Variants in QTMAN observed in about 807,000 individuals in gnomAD.
QTMAN encodes the protein tRNA-queuosine alpha-mannosyltransferase.
chr2:144,136,224 G>A, the QTMAN span, among the ~76,000 whole-genome samples: 5 of 151,730 alleles, frequency 3.3e-5, no homozygotes, highest in African/African-American at 9.7e-5. Context: ...CTATCAGTAG[G>A]GTAAGATGGG....
the QTMAN span, among the ~76,000 whole-genome samples, chr2:144,307,636 T>C: frequency 6.6e-6 from 1 of 152,220 alleles, no homozygotes; most frequent in South Asian, 2.1e-4. Context: ...GCATTAATGA[T>C]TACATTATCA....
At chr2:144,204,484 C>T in the QTMAN span, among the ~76,000 whole-genome samples, 7 of 152,140 alleles carry the variant, frequency 4.6e-5, no homozygotes, top group Non-Finnish European at 1.0e-4. Flanking sequence ...ATTAAAAAGT[C>T]AGAAAACAAC....
the QTMAN span, among the ~76,000 whole-genome samples, chr2:143,950,210 G>A: frequency 6.6e-6 from 1 of 151,628 alleles, no homozygotes; most frequent in Non-Finnish European, 1.5e-5. Context: ...ATATATTTAA[G>A]TACTAACATG....
chr2:144,097,746 C>T, the QTMAN span, among the ~76,000 whole-genome samples: 1 of 152,174 alleles, frequency 6.6e-6, no homozygotes, highest in African/African-American at 2.4e-5. Context: ...TTTGACATAT[C>T]TGGCTTCCTC....
At chr2:144,246,429 C>T in the QTMAN span, among the ~76,000 whole-genome samples, 1 of 150,478 alleles carries the variant, frequency 6.6e-6, no homozygotes, top group Non-Finnish European at 1.5e-5. Flanking sequence ...AAAAATTAGC[C>T]GGGCGCGGTG....
At chr2:144,332,252 G>T in the QTMAN span, among the ~76,000 whole-genome samples, 1 of 151,448 alleles carries the variant, frequency 6.6e-6, no homozygotes, top group African/African-American at 2.4e-5. Flanking sequence ...GGAAGCGCGC[G>T]GCTCTCAGCT....
At chr2:144,117,930 C>T in the QTMAN span, among the ~76,000 whole-genome samples, 1 of 151,918 alleles carries the variant, frequency 6.6e-6, no homozygotes, top group East Asian at 1.9e-4. Flanking sequence ...GCTATAAGCT[C>T]CACCTCCTGG....
chr2:144,188,850 G>A, the QTMAN span, among the ~76,000 whole-genome samples: 2 of 152,030 alleles, frequency 1.3e-5, no homozygotes, highest in Non-Finnish European at 2.9e-5. Context: ...TGTCCAATTA[G>A]TGTTTTCTTT....
chr2:144,071,294 G>T, the QTMAN span, among the ~76,000 whole-genome samples: 1 of 151,860 alleles, frequency 6.6e-6, no homozygotes, highest in East Asian at 1.9e-4. Flanking sequence ...TTTCGAGGGG[G>T]ATAGGGGTTG....
chr2:144,094,487 C>T, the QTMAN span, among the ~76,000 whole-genome samples: 25 of 152,010 alleles, frequency 1.6e-4, no homozygotes, highest in African/African-American at 5.3e-4. Flanking sequence ...TCCACTTAAC[C>T]GGGGAGGCCT....
the QTMAN span, among the ~76,000 whole-genome samples, chr2:144,005,115 C>T: frequency 4.6e-4 from 70 of 152,064 alleles, no homozygotes; most frequent in African/African-American, 1.6e-3. Flanking sequence ...ACAAACAGCT[C>T]GGGTTGATGC....
the QTMAN span, among the ~76,000 whole-genome samples, chr2:144,182,873 TTATA>T: frequency 1.5e-4 from 10 of 68,930 alleles, no homozygotes; most frequent in South Asian, 3.3e-4. Flanking sequence ...TATATATATA[TTATA>T]TATATATTTT....
chr2:144,201,847 G>C, the QTMAN span, among the ~76,000 whole-genome samples: 1 of 152,162 alleles, frequency 6.6e-6, no homozygotes, highest in Non-Finnish European at 1.5e-5. Flanking sequence ...CCTAAAGAAG[G>C]GGAGTGTTAC....
At chr2:144,197,499 T>C in the QTMAN span, among the ~76,000 whole-genome samples, 1 of 152,124 alleles carries the variant, frequency 6.6e-6, no homozygotes, top group African/African-American at 2.4e-5. Flanking sequence ...TGAGTAAATA[T>C]GAAAAATTTA....
chr2:144,191,382 G>C, the QTMAN span, among the ~76,000 whole-genome samples: 1 of 152,120 alleles, frequency 6.6e-6, no homozygotes, highest in Non-Finnish European at 1.5e-5. Context: ...TACTATATGC[G>C]GGCAGGGTTG....
the QTMAN span, among the ~76,000 whole-genome samples, chr2:144,109,918 T>C: frequency 1.3e-5 from 2 of 152,074 alleles, no homozygotes; most frequent in African/African-American, 2.4e-5. Context: ...TGTGGAGAAA[T>C]AGGAACACTT....
the QTMAN span, among the ~76,000 whole-genome samples, chr2:144,098,646 C>T: frequency 1.3e-5 from 2 of 151,098 alleles, no homozygotes; most frequent in Admixed American, 6.6e-5. Context: ...ACCTGGGAGG[C>T]GGACGTTGCA....
At chr2:144,315,115 C>T in the QTMAN span, among the ~76,000 whole-genome samples, 2 of 152,106 alleles carry the variant, frequency 1.3e-5, no homozygotes, top group South Asian at 2.1e-4. Context: ...CAAACTCCGA[C>T]CTCAGGTAAT....
At chr2:144,281,660 A>C in the QTMAN span, among the ~76,000 whole-genome samples, 1 of 152,096 alleles carries the variant, frequency 6.6e-6, no homozygotes, top group Non-Finnish European at 1.5e-5. Context: ...GGTGGGTCCT[A>C]ATCTAATCTG....
Sources: allele counts gnomAD v4.1 joint callset (sites outside exome capture counted in the v4.1 genomes callset), GRCh38; gene constraint gnomAD v4.1.1; transcripts MANE v1.5; gene names NCBI Gene and HGNC (gene_info 2026-07-23, HGNC 2026-07-21).